KCNG2: variants seen among roughly 807,000 people sequenced by gnomAD.
KCNG2 encodes potassium voltage-gated channel modifier subfamily G member 2.
KCNG2 carries 7 observed loss-of-function variants against 12.3 expected under a neutral mutation model. The observed-to-expected ratio is 0.57, with a 90% CI of 0.32 to 1.07. KCNG2 has a LOEUF of 1.07. KCNG2 is among the 50% of genes least tolerant of loss of function. The pLI is 0.04. For missense variants in KCNG2, 703 were observed against 726.0 expected (o/e 0.97, Z 0.36); for synonymous variants, 414 against 351.4 (o/e 1.18, Z -1.99).
Position 79,864,162 on chromosome 18 carries a change from C to T in KCNG2, c.495C>T (p.Asp165=). The change falls in exon 3 of 4, where the codon GAC becomes GAT. Residue 165 remains aspartate (D), a synonymous_variant. Transcript: ENST00000316249. ...RLQRGRRRLR[D]VVDNPHSGLA... Reference sequence around the variant, plus strand: ...AGCGCGGCCGGCGGCGCCTGCGCGACGTGGTGGACAACCCGCACTCGGGGC... The same window carrying T: ...AGCGCGGCCGGCGGCGCCTGCGCGATGTGGTGGACAACCCGCACTCGGGGC... 1 of 1,480,050 alleles carries T rather than the reference C, an allele frequency of 6.8e-7. No homozygotes were observed. Among genetic ancestry groups the T allele is most frequent in the Non-Finnish European group, 8.9e-7 (1 of 1,119,394 alleles). 91.7% of individuals were successfully genotyped at this position (1,480,050 alleles called of 1,614,324 possible). A position where few individuals can be genotyped will look rare whatever the true frequency, so the allele number is the denominator to read the frequency against.
chr18:79,823,314 ACAC>A (rs908066227), intron 1 of KCNG2, among the ~76,000 whole-genome samples: 6 of 152,218 alleles, frequency 3.9e-5, no homozygotes, highest in Non-Finnish European at 7.4e-5. Flanking sequence ...GCTGCTGTGA[ACAC>A]CACATGTGGA....
intron 3 of KCNG2, among the ~76,000 whole-genome samples, chr18:79,868,320 G>T (rs1026661840): frequency 6.6e-6 from 1 of 151,574 alleles, no homozygotes; most frequent in Non-Finnish European, 1.5e-5. Flanking sequence ...CGCCCTCCGC[G>T]TGGGGCCTGG....
intron 1 of KCNG2, among the ~76,000 whole-genome samples, chr18:79,798,549 C>T (rs571146365): frequency 2.8e-4 from 43 of 152,340 alleles, no homozygotes; most frequent in African/African-American, 9.6e-4. Context: ...CCCCTTCTCC[C>T]CGGAGATGAA....
intron 1 of KCNG2, among the ~76,000 whole-genome samples, chr18:79,832,985 G>A (rs1264182507): frequency 6.6e-6 from 1 of 152,164 alleles, no homozygotes; most frequent in African/African-American, 2.4e-5. Flanking sequence ...AGTCTCCAAG[G>A]AAAGTAGCCT....
At chr18:79,848,485 G>A (rs544830714) in intron 1 of KCNG2, among the ~76,000 whole-genome samples, 20 of 152,324 alleles carry the variant, frequency 1.3e-4, no homozygotes, top group Admixed American at 9.1e-4. Context: ...CGGCCTCAGT[G>A]TCGGCCTCTC....
At chr18:79,854,361 G>A (rs765979356) in intron 1 of KCNG2, among the ~76,000 whole-genome samples, 4 of 152,138 alleles carry the variant, frequency 2.6e-5, no homozygotes, top group East Asian at 1.9e-4. Context: ...CCCCAAGCTC[G>A]GCATCAATTT....
At chr18:79,843,516 A>T (rs1236146194) in intron 1 of KCNG2, among the ~76,000 whole-genome samples, 2 of 152,246 alleles carry the variant, frequency 1.3e-5, no homozygotes, top group East Asian at 3.8e-4. Flanking sequence ...AGACAAAAGT[A>T]TTAAAAATAA....
chr18:79,867,602 G>C (rs1157442856), intron 3 of KCNG2, among the ~76,000 whole-genome samples: 1 of 148,546 alleles, frequency 6.7e-6, no homozygotes, highest in Admixed American at 6.7e-5. Context: ...GTCTGGGGGG[G>C]GACCGTGAGC....
rs1410744287 is a variant in KCNG2 at position 79,800,378 on chromosome 18, G to C, written c.-115+2364G>C. On this transcript the variant is annotated intron_variant, in intron 1 of 3. Coordinates refer to ENST00000316249, the MANE Select transcript of KCNG2 (RefSeq NM_012283.2). This position sits in a 1 kb window ranked among gnomAD's most constrained non-coding sequence, Gnocchi z 4.0. ...TTGGTGGTAAGGAAAGGAGCCATGG[G>C]GCCCTTGCTGCCAGTGAGGTCGCTC... Among the ~76,000 whole-genome samples, 5 of 152,164 alleles carry C rather than the reference G, an allele frequency of 3.3e-5. No individual in the cohort carries two copies. The highest frequency in any genetic ancestry group is 1.2e-4 in the African/African-American group (5 of 41,438).
At position 79,828,557 on chromosome 18, in the gene KCNG2, A is replaced by G. The variant is rs370538953; in HGVS notation, c.-114-27822A>G. ...TGTCTGTGTGTGCATCTGTGTGTCTATCTGTGTGCATGTCTGTGTGCATGT... is the reference window on the plus strand; with the variant it reads ...TGTCTGTGTGTGCATCTGTGTGTCTGTCTGTGTGCATGTCTGTGTGCATGT... On this transcript the variant is annotated intron_variant, in intron 1 of 3. Coordinates refer to ENST00000316249, the MANE Select transcript of KCNG2 (RefSeq NM_012283.2). Among the ~76,000 whole-genome samples the G allele has an allele frequency of 1.7e-3, 251 of 149,444 alleles. 6 individuals carry two copies. In the East Asian group the frequency reaches 0.043, roughly 25 times the overall value.
intron 1 of KCNG2, among the ~76,000 whole-genome samples, chr18:79,828,581 G>A (rs1343958342): frequency 6.6e-6 from 1 of 152,050 alleles, no homozygotes; most frequent in Non-Finnish European, 1.5e-5. Context: ...CTGTGTGCAT[G>A]TGTCTGCATG....
chr18:79,878,757 G>C (rs1357002804), intron 3 of KCNG2, among the ~76,000 whole-genome samples: 1 of 152,254 alleles, frequency 6.6e-6, no homozygotes, highest in Non-Finnish European at 1.5e-5. Flanking sequence ...GGAGAAAAGA[G>C]TGTAAATCCA....
At chr18:79,873,927 T>C (rs1979965534) in intron 3 of KCNG2, among the ~76,000 whole-genome samples, 1 of 152,250 alleles carries the variant, frequency 6.6e-6, no homozygotes, top group South Asian at 2.1e-4. Context: ...ATGCTCATGC[T>C]GAGGCCACTG....
At chr18:79,854,529 G>GCTT (rs1978940398) in intron 1 of KCNG2, among the ~76,000 whole-genome samples, 1 of 37,578 alleles carries the variant, frequency 2.7e-5, no homozygotes, top group South Asian at 2.8e-3. Flanking sequence ...CCTTTCATTG[G>GCTT]CTTTTTTTTT....
intron 1 of KCNG2, among the ~76,000 whole-genome samples, chr18:79,809,381 TCGCTCTGAGGAGCTGCCGGGGACA>T (rs2087474143): frequency 7.1e-5 from 4 of 56,048 alleles, no homozygotes; most frequent in African/African-American, 2.2e-4. Context: ...CCCAGAGTCC[TCGCTCTGAGGAGCTGCCGGGGACA>T]CACTGACCAC....
At chr18:79,848,514 C>T (rs772552217) in intron 1 of KCNG2, among the ~76,000 whole-genome samples, 7 of 152,338 alleles carry the variant, frequency 4.6e-5, no homozygotes, top group Non-Finnish European at 1.0e-4. Flanking sequence ...TGGGGACATC[C>T]GTCCCTGGAC....
At chr18:79,862,489 C>T (rs1390705775) in intron 2 of KCNG2, among the ~76,000 whole-genome samples, 2 of 152,338 alleles carry the variant, frequency 1.3e-5, no homozygotes, top group East Asian at 1.9e-4. Flanking sequence ...CTGGTCAAGC[C>T]TCTGTCTTAT....
In KCNG2 at chr18:79,826,578, C is replaced by T. The variant is rs1214559584; in HGVS notation, c.-115+28564C>T. 2.2e-5 allele frequency among the ~76,000 whole-genome samples: 3 copies of T among 135,792 alleles called. 1 individual carries two copies. The highest frequency in any genetic ancestry group is 4.6e-5 in the Non-Finnish European group (3 of 65,286). 89.1% of individuals were successfully genotyped at this position (135,792 alleles called of 152,430 possible). A position where few individuals can be genotyped will look rare whatever the true frequency, so the allele number is the denominator to read the frequency against. On this transcript the variant is annotated intron_variant, in intron 1 of 3. Transcript: ENST00000316249. ...GCAGCTCCTCACGGAAGGTTAAGTT[C>T]GGCGCGTTACGTCATTACGTTCAGT...
chr18:79,809,424 T>G (rs1263348636), intron 1 of KCNG2, among the ~76,000 whole-genome samples: 7 of 145,380 alleles, frequency 4.8e-5, no homozygotes, highest in Admixed American at 4.8e-4. Context: ...ACACTCCACG[T>G]TACGGTCCCA....
Sources: allele counts gnomAD v4.1 joint callset (sites outside exome capture counted in the v4.1 genomes callset), GRCh38; gene constraint gnomAD v4.1.1; non-coding constraint Gnocchi (gnomAD v3.1); transcripts MANE v1.5; gene names NCBI Gene and HGNC (gene_info 2026-07-23, HGNC 2026-07-21).